Variants in YWHAG observed in about 807,000 individuals in gnomAD.
YWHAG encodes 14-3-3 protein gamma.
YWHAG carries 1 observed loss-of-function variant against 23.3 expected under a neutral mutation model. That is an observed-to-expected ratio of 0.04 (90% CI 0.02 to 0.20). YWHAG has a LOEUF of 0.20. Among genes scored for constraint, YWHAG ranks in the 10% least tolerant of loss-of-function variants. The pLI is 1.00. For synonymous variants in YWHAG, 160 were observed against 144.0 expected (o/e 1.11, Z -0.80); for missense variants, 151 against 338.6 (o/e 0.45, Z 4.35).
chr7:76,354,151 G>T (rs1051296045), intron 1 of YWHAG, among the ~76,000 whole-genome samples: 1 of 151,884 alleles, frequency 6.6e-6, no homozygotes, highest in Admixed American at 6.6e-5. Flanking sequence ...TCAAAAGAAG[G>T]CAAAGAGAAG....
chr7:76,338,061 A>G (rs954314765), intron 1 of YWHAG, among the ~76,000 whole-genome samples: 2 of 152,158 alleles, frequency 1.3e-5, no homozygotes, highest in African/African-American at 4.8e-5. Flanking sequence ...GCATCCATGG[A>G]CCATCTAGTA....
chr7:76,341,593 C>G (rs909081401), intron 1 of YWHAG, among the ~76,000 whole-genome samples: 1 of 151,934 alleles, frequency 6.6e-6, no homozygotes, highest in African/African-American at 2.4e-5. Flanking sequence ...CATGCTACAC[C>G]GATGATCTCG....
At chr7:76,337,957 T>A (rs1024693051) in intron 1 of YWHAG, among the ~76,000 whole-genome samples, 2 of 152,132 alleles carry the variant, frequency 1.3e-5, no homozygotes, top group African/African-American at 4.8e-5. Context: ...TCAACACACA[T>A]TCATTCCAGA....
chr7:76,329,580 A>C lies in YWHAG; in HGVS notation c.741T>G (p.Asn247Lys). The change falls in exon 2 of 2, where the codon AAT becomes AAG. Residue 247 changes from asparagine (N) to lysine (K), a missense_variant. Physicochemically the swap from Asn to Lys is moderately conservative, Grantham distance 94. Coordinates refer to ENST00000307630, the MANE Select transcript of YWHAG (RefSeq NM_012479.4). This position sits in a 1 kb window ranked among gnomAD's most constrained non-coding sequence, Gnocchi z 6.1. Reference protein sequence around the residue: ...QQDDDGGEGNN With the variant: ...QQDDDGGEGNK Reference sequence around the variant, plus strand: ...CGCTGCCAGTTCCCCTGGGGCCTTAATTGTTGCCTTCGCCGCCATCGTCGT... The same window carrying C: ...CGCTGCCAGTTCCCCTGGGGCCTTACTTGTTGCCTTCGCCGCCATCGTCGT... 6.2e-7 allele frequency: 1 copy of C among 1,605,126 alleles called. No individual in the cohort carries two copies. Among genetic ancestry groups the C allele is most frequent in the Non-Finnish European group, 8.5e-7 (1 of 1,173,660 alleles).
chr7:76,330,073 C>T lies in YWHAG; in HGVS notation c.248G>A (p.Arg83His), dbSNP rs1803520317. 3.7e-6 allele frequency: 6 copies of T among 1,614,178 alleles called. No individual in the cohort carries two copies. Among genetic ancestry groups the T allele is most frequent in the African/African-American group, 1.3e-5 (1 of 75,044 alleles). ...CTTCTCTATCTTCTCCCGGTACGCACGGACCATCTCAATCTTCTTCTCATT... is the reference window on the plus strand; with the variant it reads ...CTTCTCTATCTTCTCCCGGTACGCATGGACCATCTCAATCTTCTTCTCATT... Reference protein sequence around the residue: ...DGNEKKIEMVRAYREKIEKEL... With the variant: ...DGNEKKIEMVHAYREKIEKEL... The change falls in exon 2 of 2, where the codon CGT (arginine) becomes CAT (histidine). Residue 83 changes from arginine (R) to histidine (H), a missense_variant. Physicochemically the swap from Arg to His is conservative, Grantham distance 29. Transcript: ENST00000307630.
chr7:76,339,276 A>C (rs1003532117), intron 1 of YWHAG, among the ~76,000 whole-genome samples: 1 of 151,958 alleles, frequency 6.6e-6, no homozygotes, highest in African/African-American at 2.4e-5. Context: ...TCAAGACTAG[A>C]CTGGCCAATA....
At chr7:76,338,894 C>T (rs1046479452) in intron 1 of YWHAG, among the ~76,000 whole-genome samples, 8 of 152,162 alleles carry the variant, frequency 5.3e-5, no homozygotes, top group Admixed American at 3.9e-4. Context: ...TGCATTCACA[C>T]GACATTTCTA....
intron 1 of YWHAG, among the ~76,000 whole-genome samples, chr7:76,348,421 ATTTTTTTTT>A (rs35576700): frequency 7.6e-6 from 1 of 130,952 alleles, no homozygotes; most frequent in African/African-American, 2.8e-5. Flanking sequence ...ATGCCCGCTA[ATTTTTTTTT>A]TTTTTTTTTT....
intron 1 of YWHAG, among the ~76,000 whole-genome samples, chr7:76,356,822 T>C (rs1398088862): frequency 6.6e-6 from 1 of 152,198 alleles, no homozygotes; most frequent in Admixed American, 6.5e-5. Flanking sequence ...GTAAATGATA[T>C]CCTTATTTTT....
Position 76,329,441 on chromosome 7 carries a change from A to C in YWHAG, c.*136T>G. ...GCAAAAATGTCAAAGAGGCGATCAA[A>C]GACAGGACAGGTCGTGGGTTTCTCC... On this transcript the variant is annotated 3_prime_UTR_variant, in exon 2 of 2. Transcript: ENST00000307630. The surrounding 1 kb of genome is among the most constrained non-coding windows in gnomAD (Gnocchi z 6.1). The C allele has an allele frequency of 8.6e-7, 1 of 1,167,414 alleles. No individual in the cohort carries two copies. Among genetic ancestry groups the C allele is most frequent in the South Asian group, 1.6e-5 (1 of 61,010 alleles). The allele number at this position is 1,167,414 out of a possible 1,614,324, so 72.3% of individuals were successfully genotyped here. A position where few individuals can be genotyped will look rare whatever the true frequency, so the allele number is the denominator to read the frequency against.
At chr7:76,347,319 G>A (rs1035990895) in intron 1 of YWHAG, among the ~76,000 whole-genome samples, 7 of 152,094 alleles carry the variant, frequency 4.6e-5, no homozygotes, top group South Asian at 2.1e-4. Context: ...AATGTCTGCC[G>A]GGCACAGTGG....
At chr7:76,333,352 C>T (rs917259727) in intron 1 of YWHAG, among the ~76,000 whole-genome samples, 10 of 152,234 alleles carry the variant, frequency 6.6e-5, no homozygotes, top group African/African-American at 9.6e-5. Context: ...ATCCTCCCAC[C>T]TTGGCCGCTC....
chr7:76,329,452 G>T lies in YWHAG; in HGVS notation c.*125C>A. ...AAAGAGGCGATCAAAGACAGGACAGGTCGTGGGTTTCTCCCTGGGAAGGTC... is the reference window on the plus strand; with the variant it reads ...AAAGAGGCGATCAAAGACAGGACAGTTCGTGGGTTTCTCCCTGGGAAGGTC... On this transcript the variant is annotated 3_prime_UTR_variant, in exon 2 of 2. Coordinates refer to ENST00000307630, the MANE Select transcript of YWHAG (RefSeq NM_012479.4). This position sits in a 1 kb window ranked among gnomAD's most constrained non-coding sequence, Gnocchi z 6.1. The T allele has an allele frequency of 8.2e-7, 1 of 1,226,180 alleles. No individual in the cohort carries two copies. Among genetic ancestry groups the T allele is most frequent in the Non-Finnish European group, 1.1e-6 (1 of 904,742 alleles). 76.0% of individuals were successfully genotyped at this position (1,226,180 alleles called of 1,614,324 possible). A position where few individuals can be genotyped will look rare whatever the true frequency, so the allele number is the denominator to read the frequency against.
At position 76,328,398 on chromosome 7, in the gene YWHAG, G is replaced by C. The variant is rs1803485536; in HGVS notation, c.*1179C>G. The C allele has an allele frequency of 6.6e-6, 1 of 152,160 alleles. No homozygotes were observed. Among genetic ancestry groups the C allele is most frequent in the South Asian group, 2.1e-4 (1 of 4,832 alleles). The allele number at this position is 152,160 out of a possible 1,614,324, so 9.4% of individuals were successfully genotyped here. A position where few individuals can be genotyped will look rare whatever the true frequency, so the allele number is the denominator to read the frequency against. ...TTGGGGAAGGAGTGTCTTCGGGGAG[G>C]AAAAACTGACACACTGACAAGGCTC... On this transcript the variant is annotated 3_prime_UTR_variant, in exon 2 of 2. Coordinates refer to ENST00000307630, the MANE Select transcript of YWHAG (RefSeq NM_012479.4).
intron 1 of YWHAG, among the ~76,000 whole-genome samples, chr7:76,333,761 G>A (rs890117329): frequency 3.9e-5 from 6 of 152,224 alleles, no homozygotes; most frequent in Admixed American, 6.5e-5. Flanking sequence ...ACCGCCCCGC[G>A]GTGCAGCCCT....
chr7:76,333,675 G>T (rs1268063294), intron 1 of YWHAG, among the ~76,000 whole-genome samples: 1 of 152,220 alleles, frequency 6.6e-6, no homozygotes. Context: ...CTTGGCTTTG[G>T]AAGGAGCTGA....
chr7:76,349,690 A>AATAT (rs1259781832), intron 1 of YWHAG, among the ~76,000 whole-genome samples: 1 of 152,186 alleles, frequency 6.6e-6, no homozygotes, highest in Non-Finnish European at 1.5e-5. Context: ...TTCCTCAATA[A>AATAT]ATAGATCAAG....
Position 76,358,935 on chromosome 7 carries a change from G to T in YWHAG, c.-127C>A. 2 of 870,702 alleles carry T rather than the reference G, an allele frequency of 2.3e-6. No homozygotes were observed. The highest frequency in any genetic ancestry group is 3.2e-6 in the Non-Finnish European group (2 of 626,764). The allele number at this position is 870,702 out of a possible 1,614,324, so 53.9% of individuals were successfully genotyped here. On this transcript the variant is annotated 5_prime_UTR_variant, in exon 1 of 2. Transcript: ENST00000307630. ...CACAGAGCGAGCAGCTGAGGCGGCG[G>T]CTGCGCGGAGGAGGCGGCTGGAGCT...
chr7:76,352,143 T>A (rs544300520), intron 1 of YWHAG, among the ~76,000 whole-genome samples: 1 of 152,348 alleles, frequency 6.6e-6, no homozygotes, highest in South Asian at 2.1e-4. Context: ...CAAGCTGATT[T>A]CTACATTCTT....
Sources: allele counts gnomAD v4.1 joint callset (sites outside exome capture counted in the v4.1 genomes callset), GRCh38; gene constraint gnomAD v4.1.1; non-coding constraint Gnocchi (gnomAD v3.1); transcripts MANE v1.5; gene names NCBI Gene and HGNC (gene_info 2026-07-23, HGNC 2026-07-21).